The following ZBTB20 variants were observed in gnomAD, a reference collection of about 807,000 sequenced individuals.
ZBTB20 encodes zinc finger and BTB domain-containing protein 20.
ZBTB20 carries 9 observed loss-of-function variants against 56.9 expected under a neutral mutation model. The ratio of observed to expected loss-of-function variants is 0.16; its 90% CI spans 0.10 to 0.28. The LOEUF (loss-of-function observed/expected upper bound fraction) is 0.28, where lower values mean the gene tolerates loss of function less well. ZBTB20 is among the 10% of genes least tolerant of loss of function. The pLI, the probability that ZBTB20 is intolerant of heterozygous loss-of-function variation, is 1.00. For synonymous variants in ZBTB20, 417 were observed against 420.7 expected, an observed-to-expected ratio of 0.99 and a Z score of 0.11; for missense variants, 655 against 1,003.0, an observed-to-expected ratio of 0.65 and a Z score of 4.69.
Position 115,071,356 on chromosome 3 carries a change from G to C in ZBTB20, c.-644C>G, listed in dbSNP as rs2082402957. On this transcript the variant is annotated 5_prime_UTR_variant, in exon 2 of 12. Transcript: ENST00000675478. ...ATGAACTAATGTTGTAATGTAGACT[G>C]TGAGCAGAGATAAAATTCCAGAAGC... 6.6e-6 allele frequency: 1 copy of C among 152,186 alleles called. No homozygotes were observed. The highest frequency in any genetic ancestry group is 2.4e-5 in the African/African-American group (1 of 41,434). 9.4% of individuals were successfully genotyped at this position (152,186 alleles called of 1,614,324 possible).
At position 114,863,371 on chromosome 3, in the gene ZBTB20, G is replaced by A. The variant is rs562966782; in HGVS notation, c.-417+36933C>T. ...ACAAACACAATCTGAAGCTTCATCTGGGCTTCTTCAAATTGGAACCTAGTT... is the reference window on the plus strand; with the variant it reads ...ACAAACACAATCTGAAGCTTCATCTAGGCTTCTTCAAATTGGAACCTAGTT... On this transcript the variant is annotated intron_variant, in intron 4 of 11. Coordinates refer to ENST00000675478, the MANE Select transcript of ZBTB20 (RefSeq NM_001348800.3). Among the ~76,000 whole-genome samples, 5 of 152,054 alleles carry A rather than the reference G, an allele frequency of 3.3e-5. No individual in the cohort carries two copies. In the South Asian group the frequency reaches 1.0e-3, roughly 32 times the overall value.
intron 1 of ZBTB20, among the ~76,000 whole-genome samples, chr3:115,077,041 C>T (rs1342153901): frequency 6.6e-6 from 1 of 152,202 alleles, no homozygotes; most frequent in Non-Finnish European, 1.5e-5. Flanking sequence ...GGACACTCAC[C>T]TCCTGCTGGG....
chr3:114,520,972 C>T (rs1219764698), intron 6 of ZBTB20, among the ~76,000 whole-genome samples: 1 of 152,114 alleles, frequency 6.6e-6, no homozygotes, highest in African/African-American at 2.4e-5. Flanking sequence ...TATAGATGTG[C>T]AATCCTAATA....
At chr3:114,477,489 CTTTTTTTTTTTTT>C (rs765333264) in intron 7 of ZBTB20, among the ~76,000 whole-genome samples, 1 of 109,266 alleles carries the variant, frequency 9.2e-6, no homozygotes, top group Non-Finnish European at 1.8e-5. Flanking sequence ...GTTCCCTGCA[CTTTTTTTTTTTTT>C]TTTTTTTTTT....
intron 1 of ZBTB20, among the ~76,000 whole-genome samples, chr3:115,109,538 T>G (rs1007427859): frequency 2.6e-5 from 4 of 152,172 alleles, no homozygotes; most frequent in African/African-American, 9.7e-5. Context: ...GAAATCTCAT[T>G]TTCAGATTAT....
chr3:114,961,851 A>G (rs1452712298), intron 3 of ZBTB20, among the ~76,000 whole-genome samples: 1 of 152,122 alleles, frequency 6.6e-6, no homozygotes, highest in African/African-American at 2.4e-5. Flanking sequence ...TCTGATTAAT[A>G]AGAATGCTAT....
At chr3:115,047,795 C>A (rs1346723974) in intron 2 of ZBTB20, among the ~76,000 whole-genome samples, 3 of 152,104 alleles carry the variant, frequency 2.0e-5, no homozygotes, top group African/African-American at 7.2e-5. Flanking sequence ...GTAAAGTTAA[C>A]TTTATGTATA....
chr3:114,921,525 C>G (rs1471965533), intron 3 of ZBTB20, among the ~76,000 whole-genome samples: 1 of 152,024 alleles, frequency 6.6e-6, no homozygotes, highest in Non-Finnish European at 1.5e-5. Context: ...GACACACTTC[C>G]TAACTCATTT....
At chr3:115,134,607 G>A (rs949499347) in intron 1 of ZBTB20, among the ~76,000 whole-genome samples, 2 of 151,870 alleles carry the variant, frequency 1.3e-5, no homozygotes, top group African/African-American at 4.8e-5. Context: ...ATCCTGAGTT[G>A]TTCAAATGAG....
chr3:114,610,543 G>A (rs1190304035), intron 6 of ZBTB20, among the ~76,000 whole-genome samples: 3 of 152,298 alleles, frequency 2.0e-5, no homozygotes, highest in Non-Finnish European at 2.9e-5. Context: ...CCAACTGCAG[G>A]GCAAAATTAG....
At chr3:114,688,317 C>G (rs1165139356) in intron 6 of ZBTB20, 1 of 149,636 alleles carries the variant, frequency 6.7e-6, no homozygotes, top group Non-Finnish European at 1.5e-5. Context: ...ATACATACCC[C>G]AAACCTCAGC....
At position 114,334,141 on chromosome 3, in the gene ZBTB20, C is replaced by T. The variant is rs1017788592; in HGVS notation, c.*4864G>A. 5 of 152,226 alleles carry T rather than the reference C, an allele frequency of 3.3e-5. No homozygotes were observed. The highest frequency in any genetic ancestry group is 1.2e-4 in the African/African-American group (5 of 41,416). 9.4% of individuals were successfully genotyped at this position (152,226 alleles called of 1,614,324 possible). The stretch of plus-strand genomic sequence containing the variant: ...GCAGACCTGATTTGATTATCTGATA[C>T]CTTTTCCACAAAATCATATATCCCC... On this transcript the variant is annotated 3_prime_UTR_variant, in exon 12 of 12. Transcript: ENST00000675478.
intron 5 of ZBTB20, among the ~76,000 whole-genome samples, chr3:114,695,998 TA>T (rs1341989101): frequency 6.6e-6 from 1 of 152,070 alleles, no homozygotes; most frequent in Non-Finnish European, 1.5e-5. Flanking sequence ...AAAGTATTGA[TA>T]AAATACATTA....
intron 11 of ZBTB20, among the ~76,000 whole-genome samples, chr3:114,347,583 C>T (rs1290995025): frequency 1.3e-5 from 2 of 152,150 alleles, no homozygotes; most frequent in Non-Finnish European, 2.9e-5. Flanking sequence ...TTTGGAAATG[C>T]GAGCTACAAT....
At chr3:114,522,154 G>A (rs1003877669) in intron 6 of ZBTB20, among the ~76,000 whole-genome samples, 3 of 152,090 alleles carry the variant, frequency 2.0e-5, no homozygotes, top group Admixed American at 1.3e-4. Flanking sequence ...AACCAAAAGG[G>A]GTGGAAAGCT....
At chr3:114,821,536 A>T (rs866119087) in intron 4 of ZBTB20, among the ~76,000 whole-genome samples, 1 of 152,136 alleles carries the variant, frequency 6.6e-6, no homozygotes, top group African/African-American at 2.4e-5. Flanking sequence ...AAATAAGTGC[A>T]TGGAGTCACT....
chr3:114,611,268 TAC>T (rs1490873072), intron 6 of ZBTB20, among the ~76,000 whole-genome samples: 1 of 152,158 alleles, frequency 6.6e-6, no homozygotes, highest in Non-Finnish European at 1.5e-5. Flanking sequence ...ATACCGGTGG[TAC>T]AGTTAAGAAC....
At chr3:115,105,953 G>C (rs1334187273) in intron 1 of ZBTB20, among the ~76,000 whole-genome samples, 1 of 152,004 alleles carries the variant, frequency 6.6e-6, no homozygotes, top group Non-Finnish European at 1.5e-5. Context: ...GACTAGCTGG[G>C]ATTACAGGCG....
At chr3:114,824,701 T>A (rs890168831) in intron 4 of ZBTB20, among the ~76,000 whole-genome samples, 4 of 151,742 alleles carry the variant, frequency 2.6e-5, no homozygotes, top group Non-Finnish European at 5.9e-5. Context: ...GACTAATGAG[T>A]CCCAATTTAT....
Sources: allele counts gnomAD v4.1 joint callset (sites outside exome capture counted in the v4.1 genomes callset), GRCh38; gene constraint gnomAD v4.1.1; transcripts MANE v1.5; gene names NCBI Gene and HGNC (gene_info 2026-07-23, HGNC 2026-07-21).